NFASC: variants seen among roughly 807,000 people sequenced by gnomAD.
NFASC encodes neurofascin homolog.
Under a neutral mutation model 147.5 loss-of-function variants are expected in NFASC, and 43 were observed. The observed-to-expected ratio is 0.29, with a 90% CI of 0.23 to 0.38. NFASC has a LOEUF of 0.38. Among genes scored for constraint, NFASC ranks in the 10% least tolerant of loss-of-function variants. The probability of loss-of-function intolerance (pLI) is 1.00; values close to 1 mark genes in which losing one functional copy is unlikely to be tolerated. For synonymous variants in NFASC, 622 were observed against 665.5 expected, an observed-to-expected ratio of 0.93 and a Z score of 1.01; for missense variants, 1,320 against 1,689.0, an observed-to-expected ratio of 0.78 and a Z score of 3.83.
chr1:204,873,615 T>C (rs1437139076), intron 1 of NFASC, among the ~76,000 whole-genome samples: 4 of 152,152 alleles, frequency 2.6e-5, no homozygotes, highest in Admixed American at 2.0e-4. Context: ...AAGGCTTCGT[T>C]CTTTACCTAG....
chr1:204,889,105 G>A (rs1393502786), intron 1 of NFASC, among the ~76,000 whole-genome samples: 1 of 152,192 alleles, frequency 6.6e-6, no homozygotes, highest in Non-Finnish European at 1.5e-5. Context: ...TTGATTCGAG[G>A]TTTCTGCCTG....
chr1:205,022,485 C>T lies in NFASC; in HGVS notation c.*5946C>T, dbSNP rs1334348156. The T allele has an allele frequency of 1.3e-5, 2 of 152,508 alleles. No individual in the cohort carries two copies. The highest frequency in any genetic ancestry group is 6.6e-5 in the Admixed American group (1 of 15,262). 9.4% of individuals were successfully genotyped at this position (152,508 alleles called of 1,614,324 possible). ...ATCCCTTCCTACATATCCACACACA[C>T]ACAAATTGGTCTGATCTTTTTTCCA... On this transcript the variant is annotated 3_prime_UTR_variant, in exon 30 of 30. Coordinates refer to ENST00000339876, the MANE Select transcript of NFASC (RefSeq NM_001005388.3).
At chr1:204,916,660 G>C (rs2089317378) in intron 1 of NFASC, among the ~76,000 whole-genome samples, 1 of 152,186 alleles carries the variant, frequency 6.6e-6, no homozygotes, top group Non-Finnish European at 1.5e-5. Flanking sequence ...TGGAATAGTG[G>C]GCCTTTGAGA....
chr1:204,854,817 T>C (rs1229265870), intron 1 of NFASC, among the ~76,000 whole-genome samples: 1 of 152,204 alleles, frequency 6.6e-6, no homozygotes, highest in African/African-American at 2.4e-5. Flanking sequence ...GTAGTTTTCC[T>C]CTGAGCCCTC....
At chr1:204,966,256 A>T (rs1436038676) in intron 8 of NFASC, among the ~76,000 whole-genome samples, 1 of 152,078 alleles carries the variant, frequency 6.6e-6, no homozygotes, top group South Asian at 2.1e-4. Flanking sequence ...CCTCCTTCCC[A>T]TCATTATTGC....
chr1:204,974,714 C>T lies in NFASC; in HGVS notation c.1449C>T (p.Asn483=), dbSNP rs202095107. 45 of 1,614,144 alleles carry T rather than the reference C, an allele frequency of 2.8e-5. No homozygotes were observed. Among genetic ancestry groups the T allele is most frequent in the South Asian group, 2.2e-4 (20 of 91,082 alleles). ...GTGGCAACTACCATGTTTATGAGAA[C>T]GGCAGTCTGGAAATTAAGATGATCC... ...LDGGNYHVYE[N]GSLEIKMIRK... The change falls in exon 14 of 30, where the codon AAC becomes AAT. Residue 483 remains asparagine (N), a synonymous_variant. Transcript: ENST00000339876.
At chr1:204,969,853 A>C (rs1338221267) in intron 10 of NFASC, among the ~76,000 whole-genome samples, 1 of 151,734 alleles carries the variant, frequency 6.6e-6, no homozygotes, top group South Asian at 2.1e-4. Context: ...CAAGGTGGAA[A>C]GATCATGAGG....
At chr1:204,944,116 C>T in intron 2 of NFASC, 110 bp from the exon 3 acceptor site, 2 of 927,188 alleles carry the variant, frequency 2.2e-6, no homozygotes, top group Non-Finnish European at 3.3e-6. Context: ...CTATCTAGAA[C>T]ATTACTCTGT....
chr1:204,935,165 A>G (rs1322131724), intron 2 of NFASC, among the ~76,000 whole-genome samples: 1 of 152,232 alleles, frequency 6.6e-6, no homozygotes, highest in Non-Finnish European at 1.5e-5. Context: ...CAGAGGAGGT[A>G]GCACCTGACC....
chr1:204,995,349 TGTGTATGTGTGTCG>T lies in NFASC; in HGVS notation c.2783-1817_2783-1804del, dbSNP rs1558411068. Among the ~76,000 whole-genome samples, 4 of 149,792 alleles carry T rather than the reference TGTGTATGTGTGTCG, an allele frequency of 2.7e-5. 1 individual carries two copies. The highest frequency in any genetic ancestry group is 1.0e-4 in the African/African-American group (4 of 40,046). On this transcript the variant is annotated intron_variant, in intron 24 of 29. Transcript: ENST00000339876. Reference sequence around the variant, plus strand: ...GTGTGTGTGTGTGTGTGTGTGTGTGTGTGTATGTGTGTCGGTGGGTGGGGATAAGTGAATTCCCT... The same window carrying T: ...GTGTGTGTGTGTGTGTGTGTGTGTGTGTGGGTGGGGATAAGTGAATTCCCT...
intron 1 of NFASC, among the ~76,000 whole-genome samples, chr1:204,867,685 T>C (rs1306446062): frequency 6.6e-6 from 1 of 151,920 alleles, no homozygotes; most frequent in Non-Finnish European, 1.5e-5. Context: ...GGCCAGAACA[T>C]GCTCACACTC....
rs543546744 is a variant in NFASC at position 204,867,836 on chromosome 1, G to A, written c.-200+39054G>A. Among the ~76,000 whole-genome samples the A allele has an allele frequency of 4.6e-5, 7 of 152,282 alleles. No individual in the cohort carries two copies. The South Asian group carries it at 1.0e-3, about 23-fold the overall frequency. On this transcript the variant is annotated intron_variant, in intron 1 of 29. Transcript: ENST00000339876. The stretch of plus-strand genomic sequence containing the variant: ...ACAGGCCCTGGCGGGTACCGACTCA[G>A]CCCATGGCTGCCTGGTGGCACCTCA...
chr1:205,016,673 T>C lies in NFASC; in HGVS notation c.*134T>C, dbSNP rs1396907052. The C allele has an allele frequency of 1.4e-6, 1 of 729,572 alleles. No individual in the cohort carries two copies. The highest frequency in any genetic ancestry group is 2.4e-6 in the Non-Finnish European group (1 of 409,972). The allele number at this position is 729,572 out of a possible 1,614,324, so 45.2% of individuals were successfully genotyped here. A position where few individuals can be genotyped will look rare whatever the true frequency, so the allele number is the denominator to read the frequency against. On this transcript the variant is annotated 3_prime_UTR_variant, in exon 30 of 30. Transcript: ENST00000339876. This position sits in a 1 kb window ranked among gnomAD's most constrained non-coding sequence, Gnocchi z 5.1. ...GGTACGATATGGGGGTCTGCCAAGC[T>C]GTGAGGACCAGTAGCCACCAAGCCA...
intron 1 of NFASC, among the ~76,000 whole-genome samples, chr1:204,856,361 G>A (rs1191730212): frequency 1.3e-5 from 2 of 148,954 alleles, no homozygotes; most frequent in Non-Finnish European, 3.0e-5. Flanking sequence ...TCACAAAAGT[G>A]CCAAGGAGAG....
Position 204,997,163 on chromosome 1 carries a change from C to T in NFASC, c.2783-7C>T, listed in dbSNP as rs1366007601. 6.2e-7 allele frequency: 1 copy of T among 1,605,480 alleles called. No individual in the cohort carries two copies. The highest frequency in any genetic ancestry group is 1.3e-5 in the African/African-American group (1 of 74,884). ...CCAGACTCGGCTGTTTTACATTTCC[C>T]TCTCAGCTCCTCCCACATTGCCCCC... On this transcript the variant is annotated splice_region_variant and splice_polypyrimidine_tract_variant and intron_variant, in intron 24 of 29. Transcript: ENST00000339876.
intron 2 of NFASC, among the ~76,000 whole-genome samples, chr1:204,935,308 A>G (rs1482050211): frequency 2.0e-5 from 3 of 152,218 alleles, no homozygotes; most frequent in Non-Finnish European, 4.4e-5. Context: ...AGCGGAAGCT[A>G]TTTATTCAGA....
chr1:204,935,255 A>G (rs534774429), intron 2 of NFASC, among the ~76,000 whole-genome samples: 11 of 152,310 alleles, frequency 7.2e-5, no homozygotes, highest in Admixed American at 5.9e-4. Flanking sequence ...TGATTGCCGT[A>G]AAGACAGTGT....
rs1467792019 is a variant in NFASC, at chr1:204,968,319, T to C, written c.777T>C (p.Leu259=). The C allele has an allele frequency of 6.2e-7, 1 of 1,614,222 alleles. No individual in the cohort carries two copies. The highest frequency in any genetic ancestry group is 8.5e-7 in the Non-Finnish European group (1 of 1,180,028). Residue 259 remains leucine, a synonymous_variant, in exon 9 of 30, where the codon CTT becomes CTC. Coordinates refer to ENST00000339876, the MANE Select transcript of NFASC (RefSeq NM_001005388.3). The surrounding 1 kb of genome is among the most constrained non-coding windows in gnomAD (Gnocchi z 5.4). ...GCACCGCGAGCAGCCAGATGGTGCT[T>C]CGTGGCATGGACCTCCTGCTGGAAT... The part of the protein sequence containing the change: ...PQGTASSQMV[L]RGMDLLLECI...
At chr1:204,928,042 A>C (rs2091919220) in intron 2 of NFASC, among the ~76,000 whole-genome samples, 1 of 152,152 alleles carries the variant, frequency 6.6e-6, no homozygotes, top group African/African-American at 2.4e-5. Flanking sequence ...GGAGGCAGGC[A>C]ATACACCCTA....
Sources: gnomAD v4.1 joint callset for allele counts (sites outside exome capture counted in the v4.1 genomes callset) on GRCh38, gnomAD v4.1.1 for gene constraint, Gnocchi (gnomAD v3.1) non-coding constraint, MANE v1.5 for transcripts, NCBI Gene and HGNC (gene_info 2026-07-23, HGNC 2026-07-21) for gene names.